The following SNRNP200 variants were observed in gnomAD, a reference collection of about 807,000 sequenced individuals.
SNRNP200 encodes U5 small nuclear ribonucleoprotein 200 kDa helicase.
Under a neutral mutation model 255.2 loss-of-function variants are expected in SNRNP200, and 66 were observed. The ratio of observed to expected loss-of-function variants is 0.26; its 90% CI spans 0.21 to 0.32. SNRNP200 has a LOEUF of 0.32. SNRNP200 is among the 10% of genes least tolerant of loss of function. SNRNP200 has a pLI of 1.00. For missense variants in SNRNP200, 1,585 were observed against 2,749.8 expected (o/e 0.58, Z 9.47); for synonymous variants, 939 against 1,027.8 (o/e 0.91, Z 1.65).
Position 96,291,455 on chromosome 2 carries a change from G to A in SNRNP200, c.2358C>T (p.His786=), listed in dbSNP as rs904670022. 13 of 1,613,254 alleles carry A rather than the reference G, an allele frequency of 8.1e-6. No individual in the cohort carries two copies. The highest frequency in any genetic ancestry group is 1.7e-5 in the Admixed American group (1 of 60,006). ...DLLPYGFAIH[H]AGMTRVDRTL... ...TTCGGTCAACCCTGGTCATGCCTGC[G>A]TGATGAATAGCAAAGCCATAAGGCA... is the stretch of plus-strand genomic sequence containing the variant. The change falls in exon 18 of 45, where the codon CAC becomes CAT. Residue 786 remains histidine, a synonymous_variant. Coordinates refer to ENST00000323853, the MANE Select transcript of SNRNP200 (RefSeq NM_014014.5). This position sits in a 1 kb window ranked among gnomAD's most constrained non-coding sequence, Gnocchi z 4.2.
intron 5 of SNRNP200, among the ~76,000 whole-genome samples, chr2:96,300,760 C>T (rs546118913): frequency 4.2e-4 from 63 of 149,386 alleles, no homozygotes; most frequent in African/African-American, 1.5e-3. Context: ...AAGACTCCGT[C>T]TCAAAAAAAA....
chr2:96,281,285 G>C (rs2104336514), intron 35 of SNRNP200: 1 of 167,304 alleles, frequency 6.0e-6, no homozygotes, highest in East Asian at 1.6e-4. Context: ...TCCTGCCTCA[G>C]CTTCCCAAGT....
chr2:96,282,839 C>G, intron 34 of SNRNP200: 1 of 353,730 alleles, frequency 2.8e-6, no homozygotes, highest in Admixed American at 4.0e-5. Context: ...TATAAATGAC[C>G]CAGTATCAGG....
At position 96,285,512 on chromosome 2, in the gene SNRNP200, T is replaced by C. The variant is rs974308373; in HGVS notation, c.4004-172A>G. ...GCCTCTAACTCCAGGCCAGCCCTAC[T>C]GTACCCCCTTACCTGCTCCCACTTA... On this transcript the variant is annotated intron_variant, in intron 29 of 44. Transcript: ENST00000323853. 17 of 700,136 alleles carry C rather than the reference T, an allele frequency of 2.4e-5. No individual in the cohort carries two copies. The East Asian group carries it at 4.1e-4, about 17-fold the overall frequency. 43.4% of individuals were successfully genotyped at this position (700,136 alleles called of 1,614,324 possible). A position where few individuals can be genotyped will look rare whatever the true frequency, so the allele number is the denominator to read the frequency against.
intron 15 of SNRNP200, 93 bp downstream of exon 15, chr2:96,293,223 C>T (rs1306987556): frequency 1.3e-6 from 2 of 1,570,564 alleles, no homozygotes; most frequent in Non-Finnish European, 8.8e-7. Context: ...CCCAAAGGCC[C>T]TTCTAAAACC....
chr2:96,291,684 T>C lies in SNRNP200; in HGVS notation c.2310+67A>G. 6.4e-7 allele frequency: 1 copy of C among 1,570,658 alleles called. No homozygotes were observed. Among genetic ancestry groups the C allele is most frequent in the Non-Finnish European group, 8.8e-7 (1 of 1,142,592 alleles). ...TACCACAGTACAGTCCTAGAGGAGC[T>C]GTCTGGGGCCTGAGATGGACACAGC... On this transcript the variant is annotated intron_variant, in intron 17 of 44. Transcript: ENST00000323853. The surrounding 1 kb of genome is among the most constrained non-coding windows in gnomAD (Gnocchi z 4.2).
Position 96,289,456 on chromosome 2 carries a change from T to C in SNRNP200, c.2941-77A>G, listed in dbSNP as rs567963345. The stretch of plus-strand genomic sequence containing the variant: ...TCTAACTGTGGACCATAAGTTACTG[T>C]CCTATAGGTTTTTTGTACTTTTTTT... On this transcript the variant is annotated intron_variant, in intron 21 of 44. Coordinates refer to ENST00000323853, the MANE Select transcript of SNRNP200 (RefSeq NM_014014.5). 2.0e-6 allele frequency: 3 copies of C among 1,515,486 alleles called. No individual in the cohort carries two copies. The Admixed American group carries it at 5.1e-5, about 26-fold the overall frequency. The allele number at this position is 1,515,486 out of a possible 1,614,324, so 93.9% of individuals were successfully genotyped here.
Position 96,286,954 on chromosome 2 carries a change from C to T in SNRNP200, c.3639+52G>A, listed in dbSNP as rs1180986538. 2.5e-6 allele frequency: 4 copies of T among 1,613,804 alleles called. No homozygotes were observed. In the Admixed American group the frequency reaches 6.7e-5, roughly 27 times the overall value. On this transcript the variant is annotated intron_variant, in intron 27 of 44. Transcript: ENST00000323853. This position sits in a 1 kb window ranked among gnomAD's most constrained non-coding sequence, Gnocchi z 4.8. ...CCTCCAATCCATCTCCTCGGCCCAGCAACGTAGACTGAGCACCTCCAATCC... is the reference window on the plus strand; with the variant it reads ...CCTCCAATCCATCTCCTCGGCCCAGTAACGTAGACTGAGCACCTCCAATCC...
intron 5 of SNRNP200, 133 bp from the exon 6 acceptor site, chr2:96,299,560 G>A (rs1328225556): frequency 2.6e-6 from 2 of 757,876 alleles, no homozygotes; most frequent in African/African-American, 3.4e-5. Context: ...GAGCCTATTG[G>A]AACCAAGGTC....
Position 96,286,358 on chromosome 2 carries a change from C to T in SNRNP200, c.3956G>A (p.Ser1319Asn), listed in dbSNP as rs768075127. The change falls in exon 29 of 45, where the codon AGT becomes AAT. Residue 1319 changes from serine to asparagine, a missense_variant. This residue lies in a region of SNRNP200 where 719 missense variants were observed against 1,091.1 expected (regional missense o/e 0.66). Transcript: ENST00000323853. This position sits in a 1 kb window ranked among gnomAD's most constrained non-coding sequence, Gnocchi z 4.8. ...GAAAGGAAATTTATCTTGGTAAAGA[C>T]TCTCAAAGGCACTGTTTCTCAGAGC... ...VSALRNSAFE[S>N]LYQDKFPFFN... 1.2e-6 allele frequency: 2 copies of T among 1,614,172 alleles called. No homozygotes were observed. The highest frequency in any genetic ancestry group is 4.5e-5 in the East Asian group (2 of 44,880).
chr2:96,283,750 C>G lies in SNRNP200; in HGVS notation c.4585-37G>C, dbSNP rs768377250. On this transcript the variant is annotated intron_variant, in intron 32 of 44. Coordinates refer to ENST00000323853, the MANE Select transcript of SNRNP200 (RefSeq NM_014014.5). The surrounding 1 kb of genome is among the most constrained non-coding windows in gnomAD (Gnocchi z 4.7). ...GGAGAAGAAAAGACACCAAGGTTATCAGACCTGGGTCACTCAGGATCTATG... is the reference window on the plus strand; with the variant it reads ...GGAGAAGAAAAGACACCAAGGTTATGAGACCTGGGTCACTCAGGATCTATG... The G allele has an allele frequency of 1.2e-6, 2 of 1,614,008 alleles. No individual in the cohort carries two copies. The highest frequency in any genetic ancestry group is 1.7e-6 in the Non-Finnish European group (2 of 1,179,992).
In SNRNP200 at chr2:96,289,947, C is replaced by T; in HGVS notation, c.2792G>A (p.Arg931Gln). Residue 931 changes from arginine to glutamine, a missense_variant, in exon 21 of 45, where the codon CGA becomes CAA. Coordinates refer to ENST00000323853, the MANE Select transcript of SNRNP200 (RefSeq NM_014014.5). Reference sequence around the variant, plus strand: ...AGAGATGCCATAGAGGGTTGGGGATCGCAGCATTCGGATATAGAGGTAGGC... The same window carrying T: ...AGAGATGCCATAGAGGGTTGGGGATTGCAGCATTCGGATATAGAGGTAGGC... Reference protein sequence around the residue: ...GYAYLYIRMLRSPTLYGISHD... With the variant: ...GYAYLYIRMLQSPTLYGISHD... 8 of 1,614,022 alleles carry T rather than the reference C, an allele frequency of 5.0e-6. No individual in the cohort carries two copies. The highest frequency in any genetic ancestry group is 6.8e-6 in the Non-Finnish European group (8 of 1,180,006).
chr2:96,278,209 A>G lies in SNRNP200; in HGVS notation c.5610+28T>C. The stretch of plus-strand genomic sequence containing the variant: ...ACAGGCCGAGTTTGTTGTTCCCAGG[A>G]TGCTCTCCTGAAGTCTGCTGTCCTC... On this transcript the variant is annotated intron_variant, in intron 39 of 44. Coordinates refer to ENST00000323853, the MANE Select transcript of SNRNP200 (RefSeq NM_014014.5). The surrounding 1 kb of genome is among the most constrained non-coding windows in gnomAD (Gnocchi z 6.9). 6.2e-7 allele frequency: 1 copy of G among 1,614,042 alleles called. No homozygotes were observed. The highest frequency in any genetic ancestry group is 1.1e-5 in the South Asian group (1 of 91,022).
At chr2:96,275,388 C>T (rs933547221) in intron 43 of SNRNP200, 39 bp from the exon 44 acceptor site, 11 of 1,565,356 alleles carry the variant, frequency 7.0e-6, no homozygotes, top group Middle Eastern at 4.5e-4. Context: ...GCATGTAAAA[C>T]TTGATGACCA....
chr2:96,275,899 G>A (rs1558761967), intron 43 of SNRNP200, among the ~76,000 whole-genome samples: 3 of 152,318 alleles, frequency 2.0e-5, no homozygotes, highest in African/African-American at 4.8e-5. Flanking sequence ...CCAGCTACTC[G>A]GGAGGCTGAG....
Position 96,289,322 on chromosome 2 carries a change from T to C in SNRNP200, c.2998A>G (p.Thr1000Ala). 6.2e-7 allele frequency: 1 copy of C among 1,614,184 alleles called. No homozygotes were observed. The highest frequency in any genetic ancestry group is 8.5e-7 in the Non-Finnish European group (1 of 1,180,018). The part of the protein sequence containing the change: ...HYYITNDTVQ[T>A]YNQLLKPTLS... ...GTGGGCTTCAGCAGCTGGTTGTAAG[T>C]CTGCACTGTATCATTGGTGATGTAG... The change falls in exon 22 of 45, where the codon ACT (threonine) becomes GCT (alanine). Residue 1000 changes from threonine to alanine, a missense_variant. By Grantham distance (58) the Thr-to-Ala change is moderately conservative (BLOSUM62 0). Coordinates refer to ENST00000323853, the MANE Select transcript of SNRNP200 (RefSeq NM_014014.5).
rs1334609741 is a variant in SNRNP200, at chr2:96,283,148, C to T, written c.4915+53G>A. 6.2e-7 allele frequency: 1 copy of T among 1,608,566 alleles called. No individual in the cohort carries two copies. The highest frequency in any genetic ancestry group is 8.5e-7 in the Non-Finnish European group (1 of 1,177,872). ...TGCCACCCGCACCCCTCAAGTTTAA[C>T]ACCACCACTTGGTGATACCCTTGCT... On this transcript the variant is annotated intron_variant, in intron 34 of 44. Transcript: ENST00000323853. The surrounding 1 kb of genome is among the most constrained non-coding windows in gnomAD (Gnocchi z 4.7).
chr2:96,285,709 C>T (rs111773588), intron 29 of SNRNP200, among the ~76,000 whole-genome samples: 14 of 152,348 alleles, frequency 9.2e-5, no homozygotes, highest in African/African-American at 3.1e-4. Context: ...CACTCTCCTG[C>T]GTTTCCTAGA....
Position 96,281,908 on chromosome 2 carries a change from C to T in SNRNP200, c.4930G>A (p.Val1644Met), listed in dbSNP as rs1371782811. The change falls in exon 35 of 45, where the codon GTG (valine) becomes ATG (methionine). Residue 1644 changes from valine (V) to methionine (M), a missense_variant. Physicochemically the swap from Val to Met is conservative, Grantham distance 21. This residue lies in a region of SNRNP200 where 719 missense variants were observed against 1,091.1 expected (regional missense o/e 0.66). Transcript: ENST00000323853. ...CAGCAGAGACTCCGAGAAGCCACCACCACCTGGATAGCCCCTGAGCAGTAG... is the reference window on the plus strand; with the variant it reads ...CAGCAGAGACTCCGAGAAGCCACCATCACCTGGATAGCCCCTGAGCAGTAG... ...QLFSSGAIQV[V>M]VASRSLCWGM... 1.2e-6 allele frequency: 2 copies of T among 1,614,046 alleles called. No homozygotes were observed. Among genetic ancestry groups the T allele is most frequent in the Non-Finnish European group, 1.7e-6 (2 of 1,179,960 alleles).
Sources: allele counts gnomAD v4.1 joint callset (sites outside exome capture counted in the v4.1 genomes callset), GRCh38; gene constraint gnomAD v4.1.1; regional missense constraint gnomAD v4.1.1; non-coding constraint Gnocchi (gnomAD v3.1); transcripts MANE v1.5; gene names NCBI Gene and HGNC (gene_info 2026-07-23, HGNC 2026-07-21).